Variants in NLGN4Y observed in about 807,000 individuals in gnomAD.
NLGN4Y encodes the protein neuroligin-4, Y-linked.
In NLGN4Y, 4 loss-of-function variants were observed where a neutral mutation model predicts 8.4. The ratio of observed to expected loss-of-function variants is 0.48; its 90% CI spans 0.23 to 1.09. The LOEUF (loss-of-function observed/expected upper bound fraction) is 1.09. NLGN4Y is among the 50% of genes least tolerant of loss of function. The pLI, the probability that NLGN4Y is intolerant of heterozygous loss-of-function variation, is 0.19. For synonymous variants in NLGN4Y, 35 were observed against 75.6 expected (o/e 0.46, Z 2.78); for missense variants, 90 against 192.3 (o/e 0.47, Z 3.15).
At chrY:14,792,148 C>A (rs2150579859) in intron 4 of NLGN4Y, among the ~76,000 whole-genome samples, 1 of 33,081 alleles carries the variant, frequency 3.0e-5, no homozygotes, top group Admixed American at 2.8e-4. Context: ...ATTTATTCAA[C>A]CAGTACTTAC....
chrY:14,556,485 T>C (rs2080211149), intron 1 of NLGN4Y, among the ~76,000 whole-genome samples: 2 of 33,153 alleles, frequency 6.0e-5, no homozygotes, highest in African/African-American at 2.4e-4. Flanking sequence ...ACAGACCTAG[T>C]GGCTTCATAC....
At chrY:14,618,803 C>T (rs779443218) in intron 1 of NLGN4Y, among the ~76,000 whole-genome samples, 1 of 32,849 alleles carries the variant, frequency 3.0e-5, no homozygotes, top group East Asian at 8.1e-4. Context: ...GGGAATGCTG[C>T]AAAATACCAT....
intron 5 of NLGN4Y, among the ~76,000 whole-genome samples, chrY:14,826,203 A>T: frequency 3.0e-5 from 1 of 33,657 alleles, no homozygotes; most frequent in African/African-American, 1.2e-4. Context: ...ATGAATATTC[A>T]TAATAGCCAT....
intron 2 of NLGN4Y, among the ~76,000 whole-genome samples, chrY:14,675,062 C>A: frequency 3.0e-5 from 1 of 33,105 alleles, no homozygotes. Context: ...ACTGGAAGGA[C>A]TCAAAGTAAC....
At chrY:14,621,389 G>C (rs2080506879) in intron 1 of NLGN4Y, among the ~76,000 whole-genome samples, 1 of 33,740 alleles carries the variant, frequency 3.0e-5, no homozygotes, top group Non-Finnish European at 7.3e-5. Context: ...AAACAATAGT[G>C]AAATTGGTAG....
intron 1 of NLGN4Y, among the ~76,000 whole-genome samples, chrY:14,589,739 G>A (rs2080359730): frequency 2.9e-5 from 1 of 34,361 alleles, no homozygotes; most frequent in Non-Finnish European, 7.3e-5. Context: ...ATCCCACACC[G>A]AGGCTGCAGG....
intron 2 of NLGN4Y, among the ~76,000 whole-genome samples, chrY:14,703,745 AC>A (rs2080865289): frequency 1.8e-4 from 6 of 32,902 alleles, no homozygotes; most frequent in African/African-American, 7.1e-4. Flanking sequence ...TCTATAAATT[AC>A]CTTGGGCAGT....
chrY:14,611,379 C>CT (rs2080467352), intron 1 of NLGN4Y, among the ~76,000 whole-genome samples: 3 of 16,198 alleles, frequency 1.9e-4, no homozygotes, highest in African/African-American at 1.6e-3. Flanking sequence ...TAGCTGATAT[C>CT]TTTTTTTTTT....
chrY:14,648,418 TAAAC>T (rs2080618254), intron 2 of NLGN4Y, among the ~76,000 whole-genome samples: 3 of 31,777 alleles, frequency 9.4e-5, no homozygotes, highest in Non-Finnish European at 2.3e-4. Context: ...AATAAATAAA[TAAAC>T]AAATAAACAA....
chrY:14,525,888 A>G (rs2080091531), intron 1 of NLGN4Y, among the ~76,000 whole-genome samples: 12 of 33,100 alleles, frequency 3.6e-4, no homozygotes, highest in Admixed American at 3.3e-3. Flanking sequence ...AAATAAACAA[A>G]ATAAGAAGTT....
chrY:14,534,768 CGTGTGT>C (rs112527610), intron 1 of NLGN4Y, among the ~76,000 whole-genome samples: 22 of 20,144 alleles, frequency 1.1e-3, no homozygotes, highest in East Asian at 9.1e-3. Context: ...TTTTATCTCT[CGTGTGT>C]GTGTGTGTGT....
At chrY:14,768,723 G>T (rs9786397) in intron 4 of NLGN4Y, among the ~76,000 whole-genome samples, 6,283 of 32,192 alleles carry the variant, frequency 0.2, no homozygotes, top group African/African-American at 0.62. Context: ...AGATGGACTT[G>T]CTATTCTTAA....
At chrY:14,736,408 T>C (rs2080991834) in intron 4 of NLGN4Y, among the ~76,000 whole-genome samples, 1 of 33,237 alleles carries the variant, frequency 3.0e-5, no homozygotes, top group Non-Finnish European at 7.4e-5. Flanking sequence ...AAAGCACTTG[T>C]CTTGCCACAG....
chrY:14,707,397 C>CT (rs2080885674), intron 2 of NLGN4Y, among the ~76,000 whole-genome samples: 2 of 28,771 alleles, frequency 7.0e-5, no homozygotes, highest in Non-Finnish European at 1.6e-4. Flanking sequence ...ACCGTGTTGG[C>CT]CAGGCAGGCC....
intron 2 of NLGN4Y, among the ~76,000 whole-genome samples, chrY:14,704,722 T>A (rs2150546792): frequency 3.0e-5 from 1 of 33,301 alleles, no homozygotes; most frequent in East Asian, 8.1e-4. Context: ...ATTGGAATAG[T>A]TTCAGAAGGA....
intron 2 of NLGN4Y, among the ~76,000 whole-genome samples, chrY:14,673,880 G>A: frequency 6.1e-5 from 2 of 32,535 alleles, no homozygotes; most frequent in African/African-American, 2.4e-4. Flanking sequence ...TCCTTTGTAG[G>A]GACATGGATG....
At position 14,620,677 on chromosome Y, in the gene NLGN4Y, A is replaced by G. The variant is rs369417091; in HGVS notation, c.-111-1332A>G. On this transcript the variant is annotated intron_variant, in intron 1 of 6. Coordinates refer to ENST00000684976, the MANE Select transcript of NLGN4Y (RefSeq NM_001365588.1). ...TGAGTAACCCACAAATTCCTCAGAA[A>G]CACATTTGCATACTTTGAGATGAAG... 7.0e-4 allele frequency among the ~76,000 whole-genome samples: 24 copies of G among 34,159 alleles called. No homozygotes were observed. In the East Asian group the frequency reaches 7.8e-3, roughly 11 times the overall value. The allele number at this position is 34,159 out of a possible 37,273, so 91.6% of individuals were successfully genotyped here.
At chrY:14,739,551 G>C in intron 4 of NLGN4Y, among the ~76,000 whole-genome samples, 1 of 32,926 alleles carries the variant, frequency 3.0e-5, no homozygotes, top group East Asian at 8.1e-4. Context: ...TTATGTAAGA[G>C]GAGGAAAAAT....
intron 1 of NLGN4Y, among the ~76,000 whole-genome samples, chrY:14,598,436 C>T (rs2080413947): frequency 2.7e-4 from 9 of 33,797 alleles, no homozygotes; most frequent in Admixed American, 7.7e-4. Context: ...AGCCACTGGC[C>T]CAGATGCTAA....
Sources: gnomAD v4.1 joint callset for allele counts (sites outside exome capture counted in the v4.1 genomes callset) on GRCh38, gnomAD v4.1.1 for gene constraint, MANE v1.5 for transcripts, NCBI Gene and HGNC (gene_info 2026-07-23, HGNC 2026-07-21) for gene names.